EXOC5: variants seen among roughly 807,000 people sequenced by gnomAD.
The protein encoded by EXOC5 is exocyst complex component 5.
Under a neutral mutation model 90.8 loss-of-function variants are expected in EXOC5, and 17 were observed. The ratio of observed to expected loss-of-function variants is 0.19; its 90% CI spans 0.13 to 0.28. EXOC5 has a LOEUF of 0.28. Among genes scored for constraint, EXOC5 ranks in the 10% least tolerant of loss-of-function variants. EXOC5 has a pLI of 1.00. For synonymous variants in EXOC5, 260 were observed against 270.0 expected (o/e 0.96, Z 0.36); for missense variants, 569 against 830.6 (o/e 0.69, Z 3.87).
At chr14:57,238,229 C>T (rs890096751) in intron 5 of EXOC5, among the ~76,000 whole-genome samples, 1,990 of 138,772 alleles carry the variant, frequency 0.014, 38 homozygotes, top group African/African-American at 0.053. Flanking sequence ...TATATACACA[C>T]ACACACACAC....
At position 57,201,562 on chromosome 14, in the gene EXOC5, TTAA is replaced by T. The variant is rs1335091311; in HGVS notation, c.*7044_*7046del. On this transcript the variant is annotated 3_prime_UTR_variant, in exon 18 of 18. Transcript: ENST00000621441. ...ACATATACATATATTTTTATATATA[TTAA>T]TATTATATATATATATATATATATA... 3 of 111,466 alleles carry T rather than the reference TTAA, an allele frequency of 2.7e-5. No individual in the cohort carries two copies. Among genetic ancestry groups the T allele is most frequent in the Non-Finnish European group, 4.9e-5 (3 of 61,104 alleles). 6.9% of individuals were successfully genotyped at this position (111,466 alleles called of 1,614,324 possible). A position where few individuals can be genotyped will look rare whatever the true frequency, so the allele number is the denominator to read the frequency against.
At position 57,204,610 on chromosome 14, in the gene EXOC5, A is replaced by G. The variant is rs2139599731; in HGVS notation, c.*3999T>C. ...TAGAGTTGTCATTTACTTCTATGTC[A>G]CAAAATATAGTACAAAATATTTGGT... On this transcript the variant is annotated 3_prime_UTR_variant, in exon 18 of 18. Coordinates refer to ENST00000621441, the MANE Select transcript of EXOC5 (RefSeq NM_006544.4). 6.6e-6 allele frequency: 1 copy of G among 152,624 alleles called. No individual in the cohort carries two copies. Among genetic ancestry groups the G allele is most frequent in the Non-Finnish European group, 1.5e-5 (1 of 67,928 alleles). 9.5% of individuals were successfully genotyped at this position (152,624 alleles called of 1,614,324 possible).
At chr14:57,266,392 C>T (rs1005212371) in intron 1 of EXOC5, among the ~76,000 whole-genome samples, 1 of 152,122 alleles carries the variant, frequency 6.6e-6, no homozygotes, top group African/African-American at 2.4e-5. Context: ...TGAAAACTTA[C>T]TCAAGAGTAG....
At chr14:57,249,739 G>A (rs537726144) in intron 1 of EXOC5, among the ~76,000 whole-genome samples, 49 of 151,944 alleles carry the variant, frequency 3.2e-4, no homozygotes, top group Non-Finnish European at 6.9e-4. Flanking sequence ...CAGAATGATG[G>A]ATAAGAGTGG....
At chr14:57,233,954 A>T (rs1279550743) in intron 8 of EXOC5, 34 bp downstream of exon 8, 1 of 1,594,630 alleles carries the variant, frequency 6.3e-7, no homozygotes, top group Non-Finnish European at 8.6e-7. Flanking sequence ...AATTAGCATA[A>T]AATAATATCC....
rs144424545 is a variant in EXOC5, at chr14:57,246,600, A to C, written c.270+111T>G. On this transcript the variant is annotated intron_variant, in intron 3 of 17. Coordinates refer to ENST00000621441, the MANE Select transcript of EXOC5 (RefSeq NM_006544.4). The stretch of plus-strand genomic sequence containing the variant: ...CCATGGGACTAAAGCAGTAGAAAGA[A>C]ATCTTGACAGTTACTATCATCTGAC... 6.5e-5 allele frequency: 60 copies of C among 923,534 alleles called. No individual in the cohort carries two copies. In the African/African-American group the frequency reaches 7.8e-4, roughly 12 times the overall value. The allele number at this position is 923,534 out of a possible 1,614,324, so 57.2% of individuals were successfully genotyped here.
At chr14:57,222,697 C>CAT (rs145170163) in intron 12 of EXOC5, among the ~76,000 whole-genome samples, 3,819 of 145,010 alleles carry the variant, frequency 0.026, 87 homozygotes, top group African/African-American at 0.064. Flanking sequence ...TGTATACCCC[C>CAT]ATATATATAT....
chr14:57,218,472 A>T (rs1045741157), intron 14 of EXOC5, among the ~76,000 whole-genome samples: 1 of 152,098 alleles, frequency 6.6e-6, no homozygotes, highest in Non-Finnish European at 1.5e-5. Context: ...AGTAAATCAT[A>T]CTATAAAATT....
rs780117264 is a variant in EXOC5 at position 57,208,791 on chromosome 14, T to C, written c.1945A>G (p.Met649Val). The change falls in exon 18 of 18, where the codon ATG becomes GTG. Residue 649 changes from methionine (M) to valine (V), a missense_variant. Physicochemically the swap from Met to Val is conservative, Grantham distance 21 (BLOSUM62 1). Transcript: ENST00000621441. ...AGAGTATCAAAAAGATGTAATACCA[T>C]TGGAATCTGAATTGAGAGAAGAAAA... ...RKCAKDFKIP[M>V]VLHLFDTLHA... 6.4e-5 allele frequency: 100 copies of C among 1,570,084 alleles called. No individual in the cohort carries two copies. The highest frequency in any genetic ancestry group is 3.0e-4 in the South Asian group (26 of 88,088).
In EXOC5 at chr14:57,207,643, A is replaced by G. The variant is rs932450351; in HGVS notation, c.*966T>C. ...TCAATTCTCAATTCTTCTTAAAATA[A>G]AAGACTAACCACATGTTCAGCCATT... On this transcript the variant is annotated 3_prime_UTR_variant, in exon 18 of 18. Transcript: ENST00000621441. 2 of 152,104 alleles carry G rather than the reference A, an allele frequency of 1.3e-5. No individual in the cohort carries two copies. The highest frequency in any genetic ancestry group is 4.8e-5 in the African/African-American group (2 of 41,446). 9.4% of individuals were successfully genotyped at this position (152,104 alleles called of 1,614,324 possible).
intron 15 of EXOC5, among the ~76,000 whole-genome samples, chr14:57,214,310 T>C (rs1257838185): frequency 6.6e-6 from 1 of 152,200 alleles, no homozygotes; most frequent in Non-Finnish European, 1.5e-5. Context: ...ATAAACCGTG[T>C]GCTGTGCATC....
chr14:57,268,364 A>G (rs1884756741), intron 1 of EXOC5: 2 of 979,702 alleles, frequency 2.0e-6, no homozygotes, highest in Non-Finnish European at 2.9e-6. Flanking sequence ...CACAAACAAA[A>G]GCAACCCTCC....
At chr14:57,219,678 A>T (rs1218279203) in intron 13 of EXOC5, among the ~76,000 whole-genome samples, 1 of 152,118 alleles carries the variant, frequency 6.6e-6, no homozygotes, top group Non-Finnish European at 1.5e-5. Flanking sequence ...AGCCTTCATG[A>T]TTCACGTGAG....
chr14:57,222,076 T>C (rs944164291), intron 13 of EXOC5, among the ~76,000 whole-genome samples: 1 of 152,164 alleles, frequency 6.6e-6, no homozygotes, highest in African/African-American at 2.4e-5. Flanking sequence ...TCATACATTG[T>C]AGTGACTTAA....
intron 5 of EXOC5, among the ~76,000 whole-genome samples, chr14:57,238,527 C>T (rs995875015): frequency 6.6e-6 from 1 of 151,524 alleles, no homozygotes; most frequent in Admixed American, 6.6e-5. Flanking sequence ...TTGAGCTAGA[C>T]ATTTTACCCA....
chr14:57,214,803 A>G (rs960806280), intron 15 of EXOC5, among the ~76,000 whole-genome samples: 3 of 152,242 alleles, frequency 2.0e-5, no homozygotes, highest in Non-Finnish European at 4.4e-5. Context: ...TATAAGCACA[A>G]TAACTAAAGA....
At chr14:57,235,660 C>T (rs374913027) in intron 7 of EXOC5, 51 bp downstream of exon 7, 87 of 909,176 alleles carry the variant, frequency 9.6e-5, no homozygotes, top group East Asian at 2.1e-4. Context: ...ATAGAACTTA[C>T]GTAATTTCCA....
intron 1 of EXOC5, among the ~76,000 whole-genome samples, chr14:57,256,919 C>T (rs568693118): frequency 6.6e-6 from 1 of 152,318 alleles, no homozygotes; most frequent in South Asian, 2.1e-4. Flanking sequence ...TCCACATGCT[C>T]AATCTTGTAT....
rs57715659 is a variant in EXOC5, at chr14:57,240,212, C to CT, written c.466-554dup. 8.8e-3 allele frequency among the ~76,000 whole-genome samples: 1,210 copies of CT among 137,786 alleles called. 13 individuals carry two copies. The highest frequency in any genetic ancestry group is 0.018 in the Middle Eastern group (5 of 272). The allele number at this position is 137,786 out of a possible 152,430, so 90.4% of individuals were successfully genotyped here. A position where few individuals can be genotyped will look rare whatever the true frequency, so the allele number is the denominator to read the frequency against. Reference sequence around the variant, plus strand: ...ATGTGTATATTTCTTTTCTTTCTGTCTTTTTTTTTTTTTTTGAGACAGAGT... The same window carrying CT: ...ATGTGTATATTTCTTTTCTTTCTGTCTTTTTTTTTTTTTTTTGAGACAGAGT... On this transcript the variant is annotated intron_variant, in intron 4 of 17. Transcript: ENST00000621441.
Sources: gnomAD v4.1 joint callset for allele counts (sites outside exome capture counted in the v4.1 genomes callset) on GRCh38, gnomAD v4.1.1 for gene constraint, MANE v1.5 for transcripts, NCBI Gene and HGNC (gene_info 2026-07-23, HGNC 2026-07-21) for gene names.